FAF1: variants seen among roughly 807,000 people sequenced by gnomAD.
FAF1 encodes the protein FAS-associated factor 1.
FAF1 carries 25 observed loss-of-function variants against 92.5 expected under a neutral mutation model. The ratio of observed to expected loss-of-function variants is 0.27; its 90% CI spans 0.20 to 0.38. The LOEUF (loss-of-function observed/expected upper bound fraction) is 0.38, where lower values mean the gene tolerates loss of function less well. Ranked by LOEUF, FAF1 falls within the 10% of genes least tolerant of loss-of-function variation. FAF1 has a pLI of 1.00. For missense variants in FAF1, 636 were observed against 793.3 expected, an observed-to-expected ratio of 0.80 and a Z score of 2.38; for synonymous variants, 234 against 273.2, an observed-to-expected ratio of 0.86 and a Z score of 1.42.
intron 8 of FAF1, among the ~76,000 whole-genome samples, chr1:50,635,839 G>T (rs1242895639): frequency 6.6e-6 from 1 of 152,200 alleles, no homozygotes; most frequent in African/African-American, 2.4e-5. Context: ...CTGATAAATA[G>T]AAATTTAGGT....
intron 1 of FAF1, among the ~76,000 whole-genome samples, chr1:50,864,025 T>C (rs1479740152): frequency 1.3e-5 from 2 of 152,000 alleles, no homozygotes; most frequent in Non-Finnish European, 2.9e-5. Context: ...TCGTAGTTTG[T>C]ATTTCTGTGG....
chr1:50,864,032 G>C (rs1052789363), intron 1 of FAF1, among the ~76,000 whole-genome samples: 4 of 151,912 alleles, frequency 2.6e-5, no homozygotes, highest in African/African-American at 9.6e-5. Context: ...TTGTATTTCT[G>C]TGGGATCAGT....
At chr1:50,527,828 T>TCC (rs1647898061) in intron 15 of FAF1, among the ~76,000 whole-genome samples, 2 of 121,794 alleles carry the variant, frequency 1.6e-5, no homozygotes, top group Admixed American at 8.5e-5. Context: ...TCTCTCTCTC[T>TCC]CTCTCTCTCT....
At chr1:50,590,191 A>G (rs1651435589) in intron 9 of FAF1, among the ~76,000 whole-genome samples, 1 of 152,134 alleles carries the variant, frequency 6.6e-6, no homozygotes, top group African/African-American at 2.4e-5. Flanking sequence ...AAGTTTTTCT[A>G]TTTCTGCAAA....
chr1:50,546,151 G>C (rs1649005166), intron 13 of FAF1, among the ~76,000 whole-genome samples: 1 of 152,182 alleles, frequency 6.6e-6, no homozygotes, highest in Non-Finnish European at 1.5e-5. Context: ...GGGCAACAGA[G>C]TGAGACCCTG....
In FAF1 at chr1:50,482,749, G is replaced by A. The variant is rs950286965; in HGVS notation, c.1654-7070C>T. Among the ~76,000 whole-genome samples the A allele has an allele frequency of 5.9e-5, 9 of 152,098 alleles. No homozygotes were observed. In the South Asian group the frequency reaches 1.2e-3, roughly 21 times the overall value. On this transcript the variant is annotated intron_variant, in intron 17 of 18. Coordinates refer to ENST00000396153, the MANE Select transcript of FAF1 (RefSeq NM_007051.3). ...TGGTTTTAATTTGTATCTCCCTAAC[G>A]GCTAAAAATTTTGAGCATATTTTGA...
chr1:50,477,890 T>C (rs1367187948), intron 17 of FAF1, among the ~76,000 whole-genome samples: 1 of 152,194 alleles, frequency 6.6e-6, no homozygotes, highest in Non-Finnish European at 1.5e-5. Flanking sequence ...TATGTAAAAG[T>C]GCTTAGTATG....
Position 50,832,463 on chromosome 1 carries a change from C to T in FAF1, c.114+25466G>A, listed in dbSNP as rs531382356. Among the ~76,000 whole-genome samples, 3 of 152,292 alleles carry T rather than the reference C, an allele frequency of 2.0e-5. No individual in the cohort carries two copies. In the South Asian group the frequency reaches 6.2e-4, roughly 32 times the overall value. On this transcript the variant is annotated intron_variant, in intron 2 of 18. Transcript: ENST00000396153. ...TCTTGATTGCCTGGGCTAGTAAGTG[C>T]CAATAGCACCCTCAGAGTACAGTAA...
At chr1:50,653,158 TCAAG>T (rs1654941068) in intron 8 of FAF1, among the ~76,000 whole-genome samples, 1 of 150,980 alleles carries the variant, frequency 6.6e-6, no homozygotes, top group African/African-American at 2.4e-5. Context: ...AATTTCTCAC[TCAAG>T]CAAGAAAAAC....
chr1:50,881,915 T>A (rs1644615748), intron 1 of FAF1, among the ~76,000 whole-genome samples: 1 of 152,190 alleles, frequency 6.6e-6, no homozygotes, highest in Admixed American at 6.5e-5. Context: ...GCATAAATTT[T>A]TCAGCTGGAA....
intron 8 of FAF1, among the ~76,000 whole-genome samples, chr1:50,648,655 G>A (rs569339650): frequency 5.1e-4 from 78 of 152,174 alleles, no homozygotes; most frequent in African/African-American, 1.8e-3. Context: ...GGCTGGGCGC[G>A]GTGGCTCATG....
intron 13 of FAF1, among the ~76,000 whole-genome samples, chr1:50,560,526 A>C (rs1649853960): frequency 6.6e-6 from 1 of 152,242 alleles, no homozygotes; most frequent in Non-Finnish European, 1.5e-5. Flanking sequence ...CACTATTGGC[A>C]ACTCCTGGGG....
chr1:50,882,666 A>G (rs1644623181), intron 1 of FAF1, among the ~76,000 whole-genome samples: 1 of 151,794 alleles, frequency 6.6e-6, no homozygotes, highest in South Asian at 2.1e-4. Flanking sequence ...GTATGTATGT[A>G]TGTGTAAACA....
At chr1:50,554,822 T>C (rs1422809122) in intron 13 of FAF1, among the ~76,000 whole-genome samples, 3 of 152,188 alleles carry the variant, frequency 2.0e-5, no homozygotes, top group Non-Finnish European at 4.4e-5. Context: ...AGTCACTCTC[T>C]TTTCATAGAT....
At chr1:50,801,051 T>C (rs1661970020) in intron 3 of FAF1, among the ~76,000 whole-genome samples, 1 of 152,238 alleles carries the variant, frequency 6.6e-6, no homozygotes, top group African/African-American at 2.4e-5. Flanking sequence ...GCAACTATTA[T>C]AATTCTCTTG....
intron 15 of FAF1, among the ~76,000 whole-genome samples, chr1:50,530,946 C>G (rs1169795303): frequency 6.6e-6 from 1 of 152,146 alleles, no homozygotes; most frequent in Admixed American, 6.6e-5. Flanking sequence ...TGAAAACAGA[C>G]TAAGACAAAG....
At chr1:50,669,335 G>A (rs963816117) in intron 7 of FAF1, among the ~76,000 whole-genome samples, 48 of 152,180 alleles carry the variant, frequency 3.2e-4, no homozygotes, top group Non-Finnish European at 5.6e-4. Context: ...ATAAAGGGGG[G>A]AAAATCACCA....
chr1:50,770,144 T>C (rs113119450), intron 4 of FAF1, among the ~76,000 whole-genome samples: 10,083 of 152,138 alleles, frequency 0.066, 416 homozygotes, highest in East Asian at 0.094. Flanking sequence ...ACAGCCAACA[T>C]CATACTGAAT....
At chr1:50,485,321 T>C (rs1209762797) in intron 17 of FAF1, among the ~76,000 whole-genome samples, 1 of 151,722 alleles carries the variant, frequency 6.6e-6, no homozygotes, top group Non-Finnish European at 1.5e-5. Context: ...ACAGTAATAA[T>C]AATATCATCC....
Sources: gnomAD v4.1 joint callset for allele counts (sites outside exome capture counted in the v4.1 genomes callset) on GRCh38, gnomAD v4.1.1 for gene constraint, MANE v1.5 for transcripts, NCBI Gene and HGNC (gene_info 2026-07-23, HGNC 2026-07-21) for gene names.